Variants in TMEM108 observed in about 807,000 individuals in gnomAD.
TMEM108 encodes the protein transmembrane protein 108, also known as cancer/testis antigen 124.
In TMEM108, 12 loss-of-function variants were observed where a neutral mutation model predicts 35.1. The observed-to-expected ratio is 0.34, with a 90% CI of 0.22 to 0.55. The LOEUF is 0.55. Ranked by LOEUF, TMEM108 falls within the 20% of genes least tolerant of loss-of-function variation. The pLI is 0.89. For missense variants in TMEM108, 680 were observed against 753.3 expected (o/e 0.90, Z 1.14); for synonymous variants, 287 against 308.6 (o/e 0.93, Z 0.73).
At chr3:133,258,122 T>G (rs1946573319) in intron 3 of TMEM108, among the ~76,000 whole-genome samples, 1 of 152,150 alleles carries the variant, frequency 6.6e-6, no homozygotes, top group Non-Finnish European at 1.5e-5. Context: ...TGAGGGTGGA[T>G]CCCTCGTGAA....
At chr3:133,130,967 C>A (rs1456942651) in intron 2 of TMEM108, among the ~76,000 whole-genome samples, 1 of 152,180 alleles carries the variant, frequency 6.6e-6, no homozygotes, top group Admixed American at 6.5e-5. Context: ...TTATGAAATA[C>A]CAATGGATTA....
At chr3:133,365,264 G>A (rs1303180717) in intron 3 of TMEM108, among the ~76,000 whole-genome samples, 8 of 152,072 alleles carry the variant, frequency 5.3e-5, no homozygotes, top group Admixed American at 5.2e-4. Context: ...ACCAAAAAGA[G>A]GACATCATGA....
intron 2 of TMEM108, among the ~76,000 whole-genome samples, chr3:133,091,690 A>G (rs893322772): frequency 2.6e-5 from 4 of 152,242 alleles, no homozygotes; most frequent in African/African-American, 9.6e-5. Context: ...GTGAGAGGTT[A>G]TCAAGTTCAT....
chr3:133,302,284 T>TGC (rs573670029), intron 3 of TMEM108, among the ~76,000 whole-genome samples: 110 of 152,284 alleles, frequency 7.2e-4, no homozygotes, highest in African/African-American at 2.6e-3. Flanking sequence ...TGCACGGGTG[T>TGC]GCACACACAC....
chr3:133,393,222 T>A (rs774013292), intron 5 of TMEM108, among the ~76,000 whole-genome samples: 1 of 152,214 alleles, frequency 6.6e-6, no homozygotes, highest in Non-Finnish European at 1.5e-5. Flanking sequence ...AAATGCCACC[T>A]CCTCTGGGAG....
At chr3:133,244,227 A>G (rs1416936845) in intron 3 of TMEM108, among the ~76,000 whole-genome samples, 3 of 152,244 alleles carry the variant, frequency 2.0e-5, no homozygotes, top group Non-Finnish European at 4.4e-5. Context: ...AAAAAGTGCT[A>G]TAAATGTTGG....
chr3:133,365,039 T>C (rs147210270), intron 3 of TMEM108, among the ~76,000 whole-genome samples: 27 of 152,278 alleles, frequency 1.8e-4, no homozygotes, highest in African/African-American at 6.3e-4. Flanking sequence ...GAACCAGTCA[T>C]TGGATACTGG....
In TMEM108 at chr3:133,314,828, T is replaced by C. The variant is rs142737885; in HGVS notation, c.41-64924T>C. On this transcript the variant is annotated intron_variant, in intron 3 of 5. Transcript: ENST00000321871. ...ATAGCTCATTCCAACACCAAAAGCT[T>C]ATTACTATTGATATAGCTCTCTGAA... 2.2e-4 allele frequency among the ~76,000 whole-genome samples: 34 copies of C among 152,342 alleles called. No homozygotes were observed. The East Asian group carries it at 4.8e-3, about 22-fold the overall frequency.
chr3:133,308,827 T>G (rs905057052), intron 3 of TMEM108, among the ~76,000 whole-genome samples: 1 of 152,116 alleles, frequency 6.6e-6, no homozygotes, highest in African/African-American at 2.4e-5. Flanking sequence ...ATTCTCTTTT[T>G]TTGTTGTGTC....
At chr3:133,052,609 C>T (rs970875624) in intron 2 of TMEM108, among the ~76,000 whole-genome samples, 1 of 146,904 alleles carries the variant, frequency 6.8e-6, no homozygotes, top group South Asian at 2.1e-4. Flanking sequence ...AGGAAAACTT[C>T]TAGTTTCTAG....
chr3:133,144,966 A>G (rs1268258296), intron 2 of TMEM108, among the ~76,000 whole-genome samples: 1 of 152,108 alleles, frequency 6.6e-6, no homozygotes, highest in African/African-American at 2.4e-5. Context: ...TCTTTAGTTT[A>G]ATTAGATCCC....
chr3:133,268,224 T>A (rs919621060), intron 3 of TMEM108, among the ~76,000 whole-genome samples: 1 of 152,226 alleles, frequency 6.6e-6, no homozygotes, highest in African/African-American at 2.4e-5. Context: ...TGGAGAAAGG[T>A]CCTTGGAACA....
chr3:133,129,639 A>G (rs931567571), intron 2 of TMEM108, among the ~76,000 whole-genome samples: 1 of 152,126 alleles, frequency 6.6e-6, no homozygotes, highest in Non-Finnish European at 1.5e-5. Context: ...CTTTCATTCA[A>G]TGAAAAAGGC....
At chr3:133,317,956 G>T (rs1006018994) in intron 3 of TMEM108, among the ~76,000 whole-genome samples, 1 of 152,208 alleles carries the variant, frequency 6.6e-6, no homozygotes, top group African/African-American at 2.4e-5. Context: ...AGTTGGAAAG[G>T]AGAAAAATTC....
chr3:133,130,236 C>T (rs1944472981), intron 2 of TMEM108, among the ~76,000 whole-genome samples: 1 of 152,166 alleles, frequency 6.6e-6, no homozygotes, highest in Non-Finnish European at 1.5e-5. Context: ...CAGTGTCCCT[C>T]CTGTTCCAGT....
At chr3:133,045,363 C>T (rs1943323242) in intron 1 of TMEM108, among the ~76,000 whole-genome samples, 1 of 152,158 alleles carries the variant, frequency 6.6e-6, no homozygotes, top group African/African-American at 2.4e-5. Context: ...GTCAAGGTTA[C>T]TGTGCTAGTG....
intron 2 of TMEM108, among the ~76,000 whole-genome samples, chr3:133,060,301 T>A (rs1298848950): frequency 6.6e-6 from 1 of 152,162 alleles, no homozygotes; most frequent in African/African-American, 2.4e-5. Flanking sequence ...CTAAGGATTA[T>A]CAACCCAGAG....
chr3:133,284,176 A>G (rs913624593), intron 3 of TMEM108, among the ~76,000 whole-genome samples: 3 of 152,192 alleles, frequency 2.0e-5, no homozygotes, highest in Non-Finnish European at 4.4e-5. Flanking sequence ...CCAAGACAGC[A>G]GGAAGAGGCA....
At chr3:133,240,898 A>G (rs1417660018) in intron 3 of TMEM108, among the ~76,000 whole-genome samples, 1 of 152,202 alleles carries the variant, frequency 6.6e-6, no homozygotes, top group African/African-American at 2.4e-5. Flanking sequence ...GTAATATTGT[A>G]AGCAAATCTT....
Sources: gnomAD v4.1 joint callset for allele counts (sites outside exome capture counted in the v4.1 genomes callset) on GRCh38, gnomAD v4.1.1 for gene constraint, MANE v1.5 for transcripts, NCBI Gene and HGNC (gene_info 2026-07-23, HGNC 2026-07-21) for gene names.